CNTNAP2: variants seen among roughly 807,000 people sequenced by gnomAD.
CNTNAP2 encodes the protein contactin-associated protein-like 2.
CNTNAP2 carries 98 observed loss-of-function variants against 155.2 expected under a neutral mutation model. That is an observed-to-expected ratio of 0.63 (90% CI 0.54 to 0.75). The LOEUF is 0.75. Ranked by LOEUF, CNTNAP2 falls within the 30% of genes least tolerant of loss-of-function variation. The pLI is 0.00. For synonymous variants in CNTNAP2, 651 were observed against 631.2 expected, an observed-to-expected ratio of 1.03 and a Z score of -0.47; for missense variants, 1,727 against 1,688.1, an observed-to-expected ratio of 1.02 and a Z score of -0.40.
chr7:146,300,205 G>A, intron 1 of CNTNAP2, among the ~76,000 whole-genome samples: 1 of 152,058 alleles, frequency 6.6e-6, no homozygotes, highest in East Asian at 1.9e-4. Flanking sequence ...CACATGTAGA[G>A]TATAAAATAA....
intron 1 of CNTNAP2, among the ~76,000 whole-genome samples, chr7:146,623,497 T>C (rs574459396): frequency 5.4e-4 from 82 of 152,344 alleles, no homozygotes; most frequent in African/African-American, 1.8e-3. Context: ...TGTTCCAGAA[T>C]GTCATATAAA....
chr7:146,131,371 A>C (rs1283036580), intron 1 of CNTNAP2, among the ~76,000 whole-genome samples: 1 of 152,234 alleles, frequency 6.6e-6, no homozygotes, highest in Non-Finnish European at 1.5e-5. Context: ...TGATATACAG[A>C]GTAAACTGAT....
chr7:146,943,328 C>T (rs1485480515), intron 3 of CNTNAP2, among the ~76,000 whole-genome samples: 1 of 152,044 alleles, frequency 6.6e-6, no homozygotes, highest in Non-Finnish European at 1.5e-5. Flanking sequence ...CCTGTCTCTA[C>T]TAAAAATACA....
In CNTNAP2 at chr7:148,275,684, C is replaced by A. The variant is rs914240611; in HGVS notation, c.3475+8558C>A. ...ACGAGCCAGGGGCTGAGTTCTCCCCCAAGGGTTCCAAATCATGGCTGCTTG... is the reference window on the plus strand; with the variant it reads ...ACGAGCCAGGGGCTGAGTTCTCCCCAAAGGGTTCCAAATCATGGCTGCTTG... On this transcript the variant is annotated intron_variant, in intron 21 of 23. Coordinates refer to ENST00000361727, the MANE Select transcript of CNTNAP2 (RefSeq NM_014141.6). Among the ~76,000 whole-genome samples, 12 of 152,218 alleles carry A rather than the reference C, an allele frequency of 7.9e-5. 1 individual carries two copies. The highest frequency in any genetic ancestry group is 7.2e-4 in the Admixed American group (11 of 15,284).
At chr7:147,982,890 C>A (rs1173212701) in intron 15 of CNTNAP2, among the ~76,000 whole-genome samples, 1 of 151,690 alleles carries the variant, frequency 6.6e-6, no homozygotes. Context: ...TGCTGGTGGC[C>A]GCCTGTAATC....
intron 3 of CNTNAP2, among the ~76,000 whole-genome samples, chr7:147,010,042 C>T (rs942526367): frequency 2.1e-5 from 3 of 142,524 alleles, no homozygotes; most frequent in African/African-American, 7.8e-5. Flanking sequence ...CAAAGTATTG[C>T]TCCATCAACC....
At chr7:148,362,281 T>C (rs929807631) in intron 21 of CNTNAP2, among the ~76,000 whole-genome samples, 3 of 152,004 alleles carry the variant, frequency 2.0e-5, no homozygotes, top group Non-Finnish European at 4.4e-5. Context: ...ACCACCCCCA[T>C]GATTCAATTA....
At chr7:147,763,990 A>G (rs1797346350) in intron 13 of CNTNAP2, among the ~76,000 whole-genome samples, 1 of 151,356 alleles carries the variant, frequency 6.6e-6, no homozygotes, top group Non-Finnish European at 1.5e-5. Flanking sequence ...GCTCAAATTT[A>G]CTCTTGGTTG....
At chr7:147,057,978 A>G (rs1799594643) in intron 4 of CNTNAP2, among the ~76,000 whole-genome samples, 1 of 152,172 alleles carries the variant, frequency 6.6e-6, no homozygotes, top group African/African-American at 2.4e-5. Flanking sequence ...ATCAGCATAA[A>G]TATTGCAAAA....
At chr7:147,849,813 A>T (rs535916821) in intron 13 of CNTNAP2, 3 of 152,226 alleles carry the variant, frequency 2.0e-5, no homozygotes, top group African/African-American at 7.2e-5. Context: ...CTTTTTAGCA[A>T]TAGGCATGTT....
chr7:147,606,931 AT>A (rs938834733), intron 12 of CNTNAP2, among the ~76,000 whole-genome samples: 5 of 16,916 alleles, frequency 3.0e-4, no homozygotes, highest in African/African-American at 6.7e-4. Flanking sequence ...CTCACAGAGA[AT>A]TTTTTTTTTA....
intron 9 of CNTNAP2, among the ~76,000 whole-genome samples, chr7:147,347,268 G>A (rs76039300): frequency 6.6e-6 from 1 of 151,818 alleles, no homozygotes. Context: ...ATCTTGGTCA[G>A]TGGACTTGTT....
chr7:147,944,157 A>G (rs2116819553), intron 14 of CNTNAP2, among the ~76,000 whole-genome samples: 1 of 152,298 alleles, frequency 6.6e-6, no homozygotes, highest in South Asian at 2.1e-4. Context: ...GATCTAGCCT[A>G]CTGGTGTCTC....
chr7:146,931,976 A>G (rs1170956301), intron 3 of CNTNAP2, among the ~76,000 whole-genome samples: 1 of 151,710 alleles, frequency 6.6e-6, no homozygotes, highest in East Asian at 1.9e-4. Flanking sequence ...GTCCAGGACC[A>G]GATGGATTCA....
rs551733502 is a variant in CNTNAP2 at position 146,132,109 on chromosome 7, A to T, written c.97+15136A>T. 2.2e-4 allele frequency among the ~76,000 whole-genome samples: 33 copies of T among 152,234 alleles called. 1 individual carries two copies. The South Asian group carries it at 6.8e-3, about 32-fold the overall frequency. ...TGGACTAATACAGAATCTGTAATAA[A>T]CTCATGCAGTATCTGTATCTCAGAT... On this transcript the variant is annotated intron_variant, in intron 1 of 23. Transcript: ENST00000361727.
intron 1 of CNTNAP2, among the ~76,000 whole-genome samples, chr7:146,162,256 C>T (rs1478026940): frequency 2.0e-5 from 3 of 152,192 alleles, no homozygotes; most frequent in African/African-American, 7.2e-5. Context: ...TTTATACAAT[C>T]TACCCATCTG....
intron 1 of CNTNAP2, among the ~76,000 whole-genome samples, chr7:146,561,990 A>G (rs1014313111): frequency 1.1e-4 from 17 of 152,046 alleles, no homozygotes; most frequent in Non-Finnish European, 1.2e-4. Flanking sequence ...GGGTTTCACA[A>G]TGTTGCCCAG....
intron 13 of CNTNAP2, among the ~76,000 whole-genome samples, chr7:147,819,681 A>G (rs1208583062): frequency 6.6e-6 from 1 of 152,214 alleles, no homozygotes; most frequent in Non-Finnish European, 1.5e-5. Context: ...AAATTCTGTC[A>G]TGCCAATTCC....
intron 1 of CNTNAP2, among the ~76,000 whole-genome samples, chr7:146,390,804 C>T (rs941196143): frequency 4.3e-5 from 6 of 138,488 alleles, no homozygotes; most frequent in South Asian, 4.7e-4. Flanking sequence ...TGTGGTGGCT[C>T]GCGCCTGTAA....
Sources: gnomAD v4.1 joint callset for allele counts (sites outside exome capture counted in the v4.1 genomes callset) on GRCh38, gnomAD v4.1.1 for gene constraint, MANE v1.5 for transcripts, NCBI Gene and HGNC (gene_info 2026-07-23, HGNC 2026-07-21) for gene names.